The following PVT1 variants were observed in gnomAD, a reference collection of about 807,000 sequenced individuals.
PVT1 encodes Pvt1 oncogene.
intron 2 of PVT1, among the ~76,000 whole-genome samples, chr8:127,836,679 A>C (rs1445649988): frequency 6.6e-6 from 1 of 152,194 alleles, no homozygotes; most frequent in Non-Finnish European, 1.5e-5. Context: ...TGTTACAGGC[A>C]CTGCTTTAAG....
chr8:128,024,268 T>TA (rs1287825793), intron 4 of PVT1, among the ~76,000 whole-genome samples: 1 of 152,134 alleles, frequency 6.6e-6, no homozygotes, highest in Non-Finnish European at 1.5e-5. Context: ...TGGTGTGACT[T>TA]ATTGAGATCT....
chr8:128,009,391 A>C (rs1817287798), intron 4 of PVT1, among the ~76,000 whole-genome samples: 2 of 152,208 alleles, frequency 1.3e-5, no homozygotes, highest in South Asian at 4.1e-4. Flanking sequence ...TTATATAAGA[A>C]ATGTGTTTAA....
At chr8:127,834,446 A>G (rs1231562359) in intron 2 of PVT1, among the ~76,000 whole-genome samples, 1 of 152,212 alleles carries the variant, frequency 6.6e-6, no homozygotes, top group Non-Finnish European at 1.5e-5. Context: ...CTTAAACATA[A>G]GACCTAAAAC....
chr8:127,998,768 T>TTTCC (rs1360926610), intron 4 of PVT1, among the ~76,000 whole-genome samples: 4 of 146,962 alleles, frequency 2.7e-5, no homozygotes, highest in Non-Finnish European at 6.0e-5. Flanking sequence ...CTACCTTCCT[T>TTTCC]TTCCTTCCTT....
intron 2 of PVT1, among the ~76,000 whole-genome samples, chr8:127,879,261 G>T (rs1815438194): frequency 6.6e-6 from 1 of 152,232 alleles, no homozygotes; most frequent in Non-Finnish European, 1.5e-5. Flanking sequence ...GGGCGTGGTG[G>T]CTCCTGCCTG....
chr8:128,046,285 C>T (rs992054343), intron 4 of PVT1, among the ~76,000 whole-genome samples: 3 of 152,214 alleles, frequency 2.0e-5, no homozygotes, highest in Non-Finnish European at 4.4e-5. Context: ...ATTAACTCAT[C>T]CAGCTCACAA....
chr8:127,832,076 T>G (rs1011946957), intron 2 of PVT1, among the ~76,000 whole-genome samples: 5 of 152,136 alleles, frequency 3.3e-5, no homozygotes, highest in Non-Finnish European at 7.4e-5. Context: ...AGCCACAACT[T>G]AAAAACGTCA....
chr8:127,811,254 C>G (rs945946327), intron 2 of PVT1, among the ~76,000 whole-genome samples: 21 of 152,156 alleles, frequency 1.4e-4, no homozygotes, highest in Non-Finnish European at 5.9e-5. Flanking sequence ...AAAAGAGAAG[C>G]CTTTTAAAAT....
At chr8:128,009,074 G>T in intron 4 of PVT1, 1 of 307,018 alleles carries the variant, frequency 3.3e-6, no homozygotes. Flanking sequence ...AGATAATTAT[G>T]AAGTATCCAA....
chr8:127,985,667 T>C (rs1816961507), intron 3 of PVT1, among the ~76,000 whole-genome samples: 1 of 152,118 alleles, frequency 6.6e-6, no homozygotes, highest in Non-Finnish European at 1.5e-5. Context: ...TGTTTCTGTG[T>C]CCTTTTCTGG....
At chr8:127,815,030 A>G (rs1254090706) in intron 2 of PVT1, among the ~76,000 whole-genome samples, 1 of 151,986 alleles carries the variant, frequency 6.6e-6, no homozygotes, top group African/African-American at 2.4e-5. Flanking sequence ...GCAGTGGCAC[A>G]ATTTCAGCTC....
chr8:127,809,902 T>G (rs7818858), intron 2 of PVT1, among the ~76,000 whole-genome samples: 4,718 of 152,322 alleles, frequency 0.031, 171 homozygotes, highest in East Asian at 0.11. Flanking sequence ...CCTATCCATG[T>G]GGTACATTGC....
intron 5 of PVT1, among the ~76,000 whole-genome samples, chr8:128,093,942 G>T (rs769361625): frequency 6.6e-6 from 1 of 152,184 alleles, no homozygotes; most frequent in Non-Finnish European, 1.5e-5. Flanking sequence ...TGCCAGCTCT[G>T]CAAGGAACCA....
At chr8:127,825,186 TTTG>T (rs1338885557) in intron 2 of PVT1, among the ~76,000 whole-genome samples, 1 of 151,674 alleles carries the variant, frequency 6.6e-6, no homozygotes, top group East Asian at 1.9e-4. Flanking sequence ...AGATGAGTGT[TTTG>T]GTGTATATGT....
intron 5 of PVT1, among the ~76,000 whole-genome samples, chr8:128,093,779 A>C (rs1814391823): frequency 6.6e-6 from 1 of 151,898 alleles, no homozygotes; most frequent in Admixed American, 6.6e-5. Flanking sequence ...CTGGGATTAC[A>C]GGTGCGCGCC....
chr8:128,090,395 T>C (rs554716649), intron 5 of PVT1, among the ~76,000 whole-genome samples: 1 of 152,324 alleles, frequency 6.6e-6, no homozygotes, highest in East Asian at 1.9e-4. Context: ...ATTTCCCTTA[T>C]TGTTCCATGG....
chr8:127,906,481 A>G (rs1226574703), intron 3 of PVT1, among the ~76,000 whole-genome samples: 1 of 152,222 alleles, frequency 6.6e-6, no homozygotes, highest in Non-Finnish European at 1.5e-5. Context: ...AGATAATGGT[A>G]AAAGGAGAAA....
At chr8:128,000,577 A>G (rs4733821) in intron 4 of PVT1, among the ~76,000 whole-genome samples, 46,241 of 152,180 alleles carry the variant, frequency 0.3, 7,371 homozygotes, top group East Asian at 0.5. Flanking sequence ...CAGGCCCAGA[A>G]TGGCCAGACC....
chr8:127,875,477 A>G (rs1815395825), intron 2 of PVT1, among the ~76,000 whole-genome samples: 1 of 152,132 alleles, frequency 6.6e-6, no homozygotes, highest in Non-Finnish European at 1.5e-5. Flanking sequence ...TTCCTCATCT[A>G]TGAAATAAGC....
Sources: allele counts gnomAD v4.1 joint callset (sites outside exome capture counted in the v4.1 genomes callset), GRCh38; gene constraint gnomAD v4.1.1; transcripts MANE v1.5; gene names NCBI Gene and HGNC (gene_info 2026-07-23, HGNC 2026-07-21).